Variants in CRPPA observed in about 807,000 individuals in gnomAD.
The protein encoded by CRPPA is CDP-L-ribitol pyrophosphorylase A, also known as D-ribitol-5-phosphate cytidylyltransferase.
CRPPA carries 43 observed loss-of-function variants against 52.0 expected under a neutral mutation model. That is an observed-to-expected ratio of 0.83 (90% CI 0.65 to 1.07). The LOEUF is 1.07. Among genes scored for constraint, CRPPA ranks in the 50% least tolerant of loss-of-function variants. The probability of loss-of-function intolerance (pLI) is 0.00; values close to 1 mark genes in which losing one functional copy is unlikely to be tolerated. For synonymous variants in CRPPA, 250 were observed against 203.5 expected, an observed-to-expected ratio of 1.23 and a Z score of -1.94; for missense variants, 629 against 551.7, an observed-to-expected ratio of 1.14 and a Z score of -1.40.
intron 6 of CRPPA, among the ~76,000 whole-genome samples, chr7:16,264,208 A>G (rs754248305): frequency 1.3e-5 from 2 of 152,216 alleles, no homozygotes; most frequent in Admixed American, 6.5e-5. Context: ...TATATATAAA[A>G]AAAAGTCCTA....
At chr7:16,094,620 C>T (rs1034959) in intron 9 of CRPPA, among the ~76,000 whole-genome samples, 92,610 of 151,682 alleles carry the variant, frequency 0.61, 33,640 homozygotes, top group Non-Finnish European at 0.8. Flanking sequence ...TTTGTGAGTT[C>T]CAAATATTAT....
At chr7:16,274,461 C>T (rs768966143) in intron 6 of CRPPA, among the ~76,000 whole-genome samples, 10 of 152,028 alleles carry the variant, frequency 6.6e-5, no homozygotes, top group East Asian at 3.9e-4. Flanking sequence ...TTAGCAGGAA[C>T]GATATCTCCT....
intron 9 of CRPPA, among the ~76,000 whole-genome samples, chr7:16,117,462 T>G (rs1782398400): frequency 1.3e-5 from 2 of 152,226 alleles, no homozygotes; most frequent in Admixed American, 6.5e-5. Flanking sequence ...CTTTGGCCTC[T>G]AGACCTTGGC....
intron 3 of CRPPA, among the ~76,000 whole-genome samples, chr7:16,355,656 T>A (rs1440851317): frequency 6.6e-6 from 1 of 152,240 alleles, no homozygotes; most frequent in South Asian, 2.1e-4. Flanking sequence ...TGACCATTAC[T>A]GCTTAAGACC....
chr7:16,216,390 T>C (rs1203747676), intron 8 of CRPPA, 193 bp from the exon 9 acceptor site: 2 of 415,714 alleles, frequency 4.8e-6, no homozygotes, highest in Non-Finnish European at 8.5e-6. Context: ...ACAGATGTAG[T>C]AAACACTCAG....
At chr7:16,182,861 T>G (rs2128388103) in intron 9 of CRPPA, among the ~76,000 whole-genome samples, 1 of 152,332 alleles carries the variant, frequency 6.6e-6, no homozygotes, top group Non-Finnish European at 1.5e-5. Context: ...CCTCATAGAA[T>G]GCGCCAATGA....
At chr7:16,116,623 C>G (rs1181405945) in intron 9 of CRPPA, among the ~76,000 whole-genome samples, 4 of 129,190 alleles carry the variant, frequency 3.1e-5, no homozygotes, top group African/African-American at 1.2e-4. Flanking sequence ...GATTGCACCA[C>G]TGCACCCAGC....
At chr7:16,416,610 G>T (rs923971077) in intron 1 of CRPPA, among the ~76,000 whole-genome samples, 1 of 152,034 alleles carries the variant, frequency 6.6e-6, no homozygotes, top group African/African-American at 2.4e-5. Flanking sequence ...CGACGCAGGT[G>T]GATCACCTGA....
At chr7:16,115,810 G>C (rs1359219301) in intron 9 of CRPPA, among the ~76,000 whole-genome samples, 2 of 152,146 alleles carry the variant, frequency 1.3e-5, no homozygotes, top group African/African-American at 2.4e-5. Flanking sequence ...AAAATCATGA[G>C]AGTATGGAAC....
At chr7:16,247,700 G>A (rs1442601583) in intron 8 of CRPPA, among the ~76,000 whole-genome samples, 1 of 152,130 alleles carries the variant, frequency 6.6e-6, no homozygotes, top group Non-Finnish European at 1.5e-5. Context: ...ACTTCAATTT[G>A]TAAAACATGT....
At chr7:16,355,318 T>C (rs1279018717) in intron 3 of CRPPA, among the ~76,000 whole-genome samples, 1 of 152,066 alleles carries the variant, frequency 6.6e-6, no homozygotes, top group Non-Finnish European at 1.5e-5. Flanking sequence ...GAATATCTCT[T>C]TAAAAGCAAC....
chr7:16,108,248 G>T (rs1168388414), intron 9 of CRPPA, among the ~76,000 whole-genome samples: 1 of 151,844 alleles, frequency 6.6e-6, no homozygotes, highest in Non-Finnish European at 1.5e-5. Context: ...CACTTTTAAT[G>T]ACATACATAG....
intron 5 of CRPPA, among the ~76,000 whole-genome samples, chr7:16,279,943 T>A (rs951694356): frequency 6.6e-6 from 1 of 152,230 alleles, no homozygotes; most frequent in Non-Finnish European, 1.5e-5. Flanking sequence ...CTCACAATCA[T>A]GGCAGAAGGT....
At chr7:16,369,714 G>A (rs550478289) in intron 3 of CRPPA, among the ~76,000 whole-genome samples, 12 of 152,222 alleles carry the variant, frequency 7.9e-5, no homozygotes, top group African/African-American at 2.4e-4. Context: ...CAGTATTAGC[G>A]TGACTAGCTC....
intron 3 of CRPPA, among the ~76,000 whole-genome samples, chr7:16,341,625 G>A (rs1184209726): frequency 1.3e-5 from 2 of 152,000 alleles, no homozygotes; most frequent in East Asian, 1.9e-4. Context: ...TATTAGGTGG[G>A]GAAATGCTAG....
chr7:16,262,529 G>A (rs1042384021), intron 6 of CRPPA, among the ~76,000 whole-genome samples: 14 of 152,120 alleles, frequency 9.2e-5, no homozygotes, highest in African/African-American at 3.1e-4. Flanking sequence ...GAAGGAAGAG[G>A]TCTCAGGTTT....
intron 6 of CRPPA, among the ~76,000 whole-genome samples, chr7:16,261,311 T>A (rs867723675): frequency 6.6e-6 from 1 of 152,106 alleles, no homozygotes; most frequent in Non-Finnish European, 1.5e-5. Context: ...GCACTCTTAA[T>A]GACAACTCAC....
At chr7:16,334,516 C>A (rs181221435) in intron 3 of CRPPA, among the ~76,000 whole-genome samples, 2 of 152,082 alleles carry the variant, frequency 1.3e-5, no homozygotes, top group Admixed American at 1.3e-4. Context: ...CTGGTCCTGC[C>A]CATCCTATGC....
At chr7:16,114,200 A>C (rs371333656) in intron 9 of CRPPA, among the ~76,000 whole-genome samples, 2 of 152,014 alleles carry the variant, frequency 1.3e-5, no homozygotes, top group African/African-American at 4.8e-5. Flanking sequence ...ATTGGAGTAA[A>C]AACAAAGGGG....
Sources: allele counts gnomAD v4.1 joint callset (sites outside exome capture counted in the v4.1 genomes callset), GRCh38; gene constraint gnomAD v4.1.1; transcripts MANE v1.5; gene names NCBI Gene and HGNC (gene_info 2026-07-23, HGNC 2026-07-21).